Variants in SUZ12 observed in about 807,000 individuals in gnomAD.
SUZ12 encodes polycomb protein SUZ12.
In SUZ12, 17 loss-of-function variants were observed where a neutral mutation model predicts 87.3. The observed-to-expected ratio is 0.19, with a 90% CI of 0.13 to 0.29. The LOEUF (loss-of-function observed/expected upper bound fraction) is 0.29. SUZ12 is among the 10% of genes least tolerant of loss of function. SUZ12 has a pLI of 1.00. For missense variants in SUZ12, 526 were observed against 912.2 expected (o/e 0.58, Z 5.45); for synonymous variants, 253 against 312.4 (o/e 0.81, Z 2.01).
intron 10 of SUZ12, 97 bp downstream of exon 10, chr17:31,988,594 C>A: frequency 1.0e-5 from 12 of 1,201,994 alleles, no homozygotes; most frequent in South Asian, 1.8e-5. Flanking sequence ...TTATGTGATT[C>A]TTCTTTTTTT....
chr17:31,989,694 GT>G (rs1283339699), intron 10 of SUZ12, among the ~76,000 whole-genome samples: 2 of 151,476 alleles, frequency 1.3e-5, no homozygotes, highest in Non-Finnish European at 2.9e-5. Flanking sequence ...TGCCTCCCTG[GT>G]TCATGCCATT....
intron 10 of SUZ12, among the ~76,000 whole-genome samples, chr17:31,992,810 C>T (rs1301603363): frequency 1.3e-5 from 2 of 151,728 alleles, no homozygotes; most frequent in Non-Finnish European, 2.9e-5. Context: ...CGGGTTCAAG[C>T]AATTCTGCTT....
At chr17:31,968,700 C>G (rs369728141) in intron 5 of SUZ12, among the ~76,000 whole-genome samples, 132 of 152,074 alleles carry the variant, frequency 8.7e-4, no homozygotes, top group Middle Eastern at 3.4e-3. Flanking sequence ...GCTTAGAGTC[C>G]TTATTTCTAG....
In SUZ12 at chr17:31,993,308, G is replaced by A. The variant is rs375014412; in HGVS notation, c.1268G>A (p.Arg423Gln). Reference sequence around the variant, plus strand: ...GAAAAGGATACTCCAAATGAAAACCGACAAAAATTAAGAATATTTTATCAG... The same window carrying A: ...GAAAAGGATACTCCAAATGAAAACCAACAAAAATTAAGAATATTTTATCAG... ...RKEKDTPNENRQKLRIFYQFL... is the reference protein window; with the variant it reads ...RKEKDTPNENQQKLRIFYQFL... The change falls in exon 11 of 16, where the codon CGA (arginine) becomes CAA (glutamine). Residue 423 changes from arginine (R) to glutamine (Q), a missense_variant. Around this residue, in one of 9 missense-constraint regions of SUZ12, gnomAD observed 85 missense variants for 87.4 expected, o/e 0.97. Coordinates refer to ENST00000322652, the MANE Select transcript of SUZ12 (RefSeq NM_015355.4). 7 of 1,580,288 alleles carry A rather than the reference G, an allele frequency of 4.4e-6. No homozygotes were observed. Among genetic ancestry groups the A allele is most frequent in the Admixed American group, 1.9e-5 (1 of 51,474 alleles).
intron 5 of SUZ12, among the ~76,000 whole-genome samples, chr17:31,968,421 G>A (rs1349980750): frequency 6.6e-6 from 1 of 151,964 alleles, no homozygotes; most frequent in Non-Finnish European, 1.5e-5. Context: ...TTGTTAAGAT[G>A]GAATCTCACT....
chr17:31,962,595 C>CA (rs1907800723), intron 4 of SUZ12, among the ~76,000 whole-genome samples: 1 of 152,068 alleles, frequency 6.6e-6, no homozygotes, highest in Non-Finnish European at 1.5e-5. Context: ...TGTCTGAAAG[C>CA]AAAAAACAAA....
intron 4 of SUZ12, among the ~76,000 whole-genome samples, chr17:31,958,060 G>T (rs1268098789): frequency 1.2e-4 from 18 of 151,708 alleles, no homozygotes; most frequent in Admixed American, 1.2e-3. Flanking sequence ...CTGCCATCAC[G>T]CCCGGCTAAT....
At chr17:31,985,477 G>A (rs1909355547) in intron 9 of SUZ12, among the ~76,000 whole-genome samples, 1 of 151,152 alleles carries the variant, frequency 6.6e-6, no homozygotes, top group African/African-American at 2.4e-5. Context: ...TATAATAGTG[G>A]TTAACTCCAG....
intron 9 of SUZ12, among the ~76,000 whole-genome samples, chr17:31,987,057 G>GT (rs1317452014): frequency 3.5e-5 from 5 of 144,428 alleles, no homozygotes; most frequent in African/African-American, 8.0e-5. Context: ...AGGTTTTTTT[G>GT]TTTTTTTGTT....
At chr17:31,998,123 A>G (rs1482216942) in intron 15 of SUZ12, among the ~76,000 whole-genome samples, 10 of 144,540 alleles carry the variant, frequency 6.9e-5, no homozygotes. Context: ...TCTCTCGTCC[A>G]GGCTGGAGTG....
At chr17:31,957,645 A>G (rs1567818823) in intron 4 of SUZ12, among the ~76,000 whole-genome samples, 2 of 151,488 alleles carry the variant, frequency 1.3e-5, no homozygotes, top group Non-Finnish European at 2.9e-5. Context: ...TCCTGACTTC[A>G]GGTGATCTGC....
chr17:31,981,143 CAAAA>C (rs1389489940), intron 8 of SUZ12, among the ~76,000 whole-genome samples: 1 of 151,758 alleles, frequency 6.6e-6, no homozygotes, highest in African/African-American at 2.4e-5. Flanking sequence ...CTTCAGAAAA[CAAAA>C]AAGCCACCAT....
At chr17:31,970,582 T>A (rs561559) in intron 5 of SUZ12, among the ~76,000 whole-genome samples, 1 of 151,636 alleles carries the variant, frequency 6.6e-6, no homozygotes, top group East Asian at 1.9e-4. Context: ...GAGCCGAGAT[T>A]GTGCCACTGC....
chr17:31,987,709 T>C (rs1909487487), intron 9 of SUZ12, among the ~76,000 whole-genome samples: 1 of 151,972 alleles, frequency 6.6e-6, no homozygotes, highest in African/African-American at 2.4e-5. Context: ...GGCAGGCAAA[T>C]CACCTGAGGT....
In SUZ12 at chr17:31,999,676, G is replaced by A. The variant is rs1910161275; in HGVS notation, c.*673G>A. 4.3e-6 allele frequency: 1 copy of A among 230,864 alleles called. No individual in the cohort carries two copies. Among genetic ancestry groups the A allele is most frequent in the Non-Finnish European group, 8.5e-6 (1 of 117,194 alleles). The allele number at this position is 230,864 out of a possible 1,614,324, so 14.3% of individuals were successfully genotyped here. On this transcript the variant is annotated 3_prime_UTR_variant, in exon 16 of 16. Transcript: ENST00000322652. Reference sequence around the variant, plus strand: ...CACATTGTTGACAGTGAAATGCTATGTTGGTTTATAAGATTACAGACCATT... The same window carrying A: ...CACATTGTTGACAGTGAAATGCTATATTGGTTTATAAGATTACAGACCATT...
At chr17:31,956,284 C>T (rs757305368) in intron 4 of SUZ12, among the ~76,000 whole-genome samples, 1 of 152,030 alleles carries the variant, frequency 6.6e-6, no homozygotes, top group Non-Finnish European at 1.5e-5. Flanking sequence ...ACCTCCGCCT[C>T]CTGGGTTCAA....
intron 6 of SUZ12, among the ~76,000 whole-genome samples, chr17:31,974,936 GT>G (rs1003215924): frequency 2.0e-5 from 3 of 151,442 alleles, no homozygotes; most frequent in Admixed American, 6.6e-5. Context: ...TTTTGTTTTT[GT>G]TTTTTTAAGG....
At chr17:31,946,298 CAG>C (rs749058408) in intron 3 of SUZ12, among the ~76,000 whole-genome samples, 7 of 152,228 alleles carry the variant, frequency 4.6e-5, no homozygotes, top group African/African-American at 9.6e-5. Context: ...CTTTGGGAGA[CAG>C]GGGTGGATAG....
intron 4 of SUZ12, among the ~76,000 whole-genome samples, chr17:31,959,981 T>A (rs190117284): frequency 8.5e-4 from 129 of 152,340 alleles, no homozygotes; most frequent in Non-Finnish European, 1.6e-3. Flanking sequence ...TTATATCTTA[T>A]TCTGGTCATG....
Sources: gnomAD v4.1 joint callset for allele counts (sites outside exome capture counted in the v4.1 genomes callset) on GRCh38, gnomAD v4.1.1 for gene constraint, gnomAD v4.1.1 regional missense constraint, MANE v1.5 for transcripts, NCBI Gene and HGNC (gene_info 2026-07-23, HGNC 2026-07-21) for gene names.